The following SNUPN variants were observed in gnomAD, a reference collection of about 807,000 sequenced individuals.
The protein encoded by SNUPN is snurportin 1.
Under a neutral mutation model 39.2 loss-of-function variants are expected in SNUPN, and 31 were observed. The observed-to-expected ratio is 0.79, with a 90% CI of 0.59 to 1.07. SNUPN has a LOEUF of 1.07. Among genes scored for constraint, SNUPN ranks in the 50% least tolerant of loss-of-function variants. The pLI, the probability that SNUPN is intolerant of heterozygous loss-of-function variation, is 0.00. For missense variants in SNUPN, 382 were observed against 434.2 expected (o/e 0.88, Z 1.07); for synonymous variants, 132 against 159.0 (o/e 0.83, Z 1.28).
chr15:75,615,132 G>A (rs1379851015), intron 3 of SNUPN, among the ~76,000 whole-genome samples: 2 of 151,806 alleles, frequency 1.3e-5, no homozygotes, highest in Non-Finnish European at 2.9e-5. Context: ...ATTTTTTATA[G>A]AAATGGGATC....
In SNUPN at chr15:75,598,330, C is replaced by A. The variant is rs767215687; in HGVS notation, c.*28G>T. 1.1e-5 allele frequency: 17 copies of A among 1,579,788 alleles called. No individual in the cohort carries two copies. Among genetic ancestry groups the A allele is most frequent in the Non-Finnish European group, 1.3e-5 (15 of 1,156,602 alleles). ...ATTCCTTTTGGGGCCAGGTACCATC[C>A]TGTGGCTCCTTAAGGAGGCTTCTCT... On this transcript the variant is annotated 3_prime_UTR_variant, in exon 9 of 9. Transcript: ENST00000308588.
chr15:75,612,349 T>C (rs1442894257), intron 3 of SNUPN, among the ~76,000 whole-genome samples: 1 of 152,026 alleles, frequency 6.6e-6, no homozygotes, highest in Non-Finnish European at 1.5e-5. Flanking sequence ...ACCTCTTTCT[T>C]ATCCTCCCCA....
intron 1 of SNUPN, chr15:75,622,490 C>T: frequency 1.0e-6 from 1 of 985,024 alleles, no homozygotes; most frequent in South Asian, 4.7e-5. Flanking sequence ...TTAGGTGGAC[C>T]CTAAAGAATG....
intron 8 of SNUPN, among the ~76,000 whole-genome samples, chr15:75,599,527 GC>G (rs2075268772): frequency 6.6e-6 from 1 of 152,188 alleles, no homozygotes; most frequent in African/African-American, 2.4e-5. Context: ...TGCTTCCCTG[GC>G]TACTGTTGGT....
intron 1 of SNUPN, among the ~76,000 whole-genome samples, chr15:75,623,033 T>C (rs1174752083): frequency 6.6e-6 from 1 of 152,212 alleles, no homozygotes; most frequent in African/African-American, 2.4e-5. Context: ...ATCTTAACCA[T>C]TTGTAGGTGT....
At chr15:75,603,336 C>A (rs1595981940) in intron 7 of SNUPN, among the ~76,000 whole-genome samples, 1 of 146,286 alleles carries the variant, frequency 6.8e-6, no homozygotes, top group Non-Finnish European at 1.5e-5. Context: ...CGTGAGCTAC[C>A]GCACTCGGCC....
At chr15:75,624,686 T>A (rs1228016896) in intron 1 of SNUPN, 1 of 1,207,998 alleles carries the variant, frequency 8.3e-7, no homozygotes, top group Non-Finnish European at 1.1e-6. Flanking sequence ...GAAAAACTGA[T>A]GTCCTGGATA....
intron 1 of SNUPN, among the ~76,000 whole-genome samples, chr15:75,621,982 G>A (rs1893085000): frequency 6.6e-6 from 1 of 152,176 alleles, no homozygotes; most frequent in African/African-American, 2.4e-5. Flanking sequence ...GTTGCAGTGA[G>A]CCGAGATCGT....
intron 5 of SNUPN, among the ~76,000 whole-genome samples, chr15:75,608,969 G>T (rs978918040): frequency 2.0e-5 from 3 of 151,878 alleles, no homozygotes; most frequent in Non-Finnish European, 2.9e-5. Flanking sequence ...GTGAAATCCA[G>T]TCTCTACTAA....
intron 3 of SNUPN, among the ~76,000 whole-genome samples, chr15:75,610,578 T>A (rs756178403): frequency 6.6e-6 from 1 of 152,038 alleles, no homozygotes; most frequent in Non-Finnish European, 1.5e-5. Context: ...GCTTACTGCC[T>A]CACCTCCCGG....
intron 4 of SNUPN, 71 bp from the exon 5 acceptor site, chr15:75,609,722 C>T: frequency 7.9e-7 from 1 of 1,261,170 alleles, no homozygotes; most frequent in South Asian, 1.3e-5. Flanking sequence ...CCTCATTCTG[C>T]AGGAATGTTA....
chr15:75,601,240 G>A, intron 7 of SNUPN, 22 bp from the exon 8 acceptor site: 1 of 1,520,990 alleles, frequency 6.6e-7, no homozygotes, highest in African/African-American at 1.4e-5. Flanking sequence ...ATTAGAACAA[G>A]GAATTAGTAC....
intron 5 of SNUPN, among the ~76,000 whole-genome samples, chr15:75,609,174 CTTTTTTT>C (rs1205961290): frequency 1.7e-4 from 15 of 89,672 alleles, no homozygotes; most frequent in Non-Finnish European, 3.1e-4. Context: ...CAAAGTGGGT[CTTTTTTT>C]TTTTTTTTTT....
chr15:75,598,756 G>C (rs1444024820), intron 8 of SNUPN, 75 bp from the exon 9 acceptor site: 1 of 1,199,544 alleles, frequency 8.3e-7, no homozygotes, highest in Non-Finnish European at 1.2e-6. Flanking sequence ...ATACACACAA[G>C]GGCAGCTCTT....
intron 1 of SNUPN, chr15:75,624,934 G>C (rs1379624563): frequency 9.4e-5 from 21 of 223,516 alleles, no homozygotes; most frequent in South Asian, 7.8e-4. Context: ...CACAACGCCC[G>C]GCTAATTTTT....
chr15:75,603,282 C>T (rs1250524881), intron 7 of SNUPN, among the ~76,000 whole-genome samples: 5 of 142,928 alleles, frequency 3.5e-5, no homozygotes, highest in Non-Finnish European at 7.6e-5. Flanking sequence ...CTCCTGACCT[C>T]GTGATTCGCC....
intron 5 of SNUPN, among the ~76,000 whole-genome samples, chr15:75,608,517 C>G (rs1427952863): frequency 6.6e-6 from 1 of 152,164 alleles, no homozygotes; most frequent in East Asian, 1.9e-4. Context: ...TTATTTCTCC[C>G]CCACGACCTT....
chr15:75,602,194 C>A (rs534257680), intron 7 of SNUPN, among the ~76,000 whole-genome samples: 61 of 152,070 alleles, frequency 4.0e-4, no homozygotes, highest in Middle Eastern at 3.4e-3. Context: ...GGTGACAGAG[C>A]GAGACTCCGT....
chr15:75,621,167 A>C, intron 1 of SNUPN, 111 bp from the exon 2 acceptor site: 1 of 1,031,506 alleles, frequency 9.7e-7, no homozygotes. Flanking sequence ...AAATTAACTT[A>C]ATGCAAAATC....
Sources: allele counts gnomAD v4.1 joint callset (sites outside exome capture counted in the v4.1 genomes callset), GRCh38; gene constraint gnomAD v4.1.1; transcripts MANE v1.5; gene names NCBI Gene and HGNC (gene_info 2026-07-23, HGNC 2026-07-21).